NTRK3: variants seen among roughly 807,000 people sequenced by gnomAD.
The protein encoded by NTRK3 is neurotrophic receptor tyrosine kinase 3, also known as NT-3 growth factor receptor.
Under a neutral mutation model 91.7 loss-of-function variants are expected in NTRK3, and 24 were observed. The ratio of observed to expected loss-of-function variants is 0.26; its 90% CI spans 0.19 to 0.37. The LOEUF is 0.37. Ranked by LOEUF, NTRK3 falls within the 10% of genes least tolerant of loss-of-function variation. NTRK3 has a pLI of 1.00. For synonymous variants in NTRK3, 483 were observed against 404.0 expected, an observed-to-expected ratio of 1.20 and a Z score of -2.34; for missense variants, 880 against 1,068.9, an observed-to-expected ratio of 0.82 and a Z score of 2.46.
chr15:88,040,344 C>T (rs1247524429), intron 13 of NTRK3, among the ~76,000 whole-genome samples: 1 of 152,204 alleles, frequency 6.6e-6, no homozygotes, highest in Admixed American at 6.5e-5. Context: ...GACAACAAGT[C>T]ACCATGAGGA....
intron 16 of NTRK3, among the ~76,000 whole-genome samples, chr15:87,930,807 T>C (rs2068728026): frequency 1.3e-5 from 2 of 152,244 alleles, no homozygotes; most frequent in East Asian, 1.9e-4. Flanking sequence ...ATCTGGTCAG[T>C]AGTGGAGGCT....
intron 3 of NTRK3, among the ~76,000 whole-genome samples, chr15:88,249,351 T>A (rs2053140868): frequency 6.6e-6 from 1 of 152,224 alleles, no homozygotes; most frequent in Non-Finnish European, 1.5e-5. Context: ...AGTTGCTGCC[T>A]CTGGGGACCC....
chr15:88,000,765 T>C (rs539766033), intron 14 of NTRK3, among the ~76,000 whole-genome samples: 122 of 152,334 alleles, frequency 8.0e-4, no homozygotes, highest in African/African-American at 2.9e-3. Context: ...TTGGTGAACA[T>C]TTACACTGTT....
chr15:88,105,750 G>A (rs150347312), intron 13 of NTRK3, among the ~76,000 whole-genome samples: 1 of 152,192 alleles, frequency 6.6e-6, no homozygotes, highest in Non-Finnish European at 1.5e-5. Flanking sequence ...CCACCTCTGA[G>A]ATCCCTAAAA....
At chr15:88,212,192 C>T (rs942173592) in intron 3 of NTRK3, among the ~76,000 whole-genome samples, 3 of 152,090 alleles carry the variant, frequency 2.0e-5, no homozygotes, top group Non-Finnish European at 2.9e-5. Flanking sequence ...CACGGTGAAA[C>T]CCCGTCTCTA....
intron 3 of NTRK3, among the ~76,000 whole-genome samples, chr15:88,229,085 A>T (rs889023191): frequency 2.0e-5 from 3 of 152,220 alleles, no homozygotes; most frequent in African/African-American, 7.2e-5. Flanking sequence ...TCCACCCTTG[A>T]CATAGCTGAG....
intron 17 of NTRK3, among the ~76,000 whole-genome samples, chr15:87,914,204 C>T (rs1036063546): frequency 1.3e-5 from 2 of 152,212 alleles, no homozygotes; most frequent in Admixed American, 6.5e-5. Context: ...TGCTTTGATG[C>T]TATGGCCTTT....
chr15:88,067,141 C>T (rs1441576356), intron 13 of NTRK3, among the ~76,000 whole-genome samples: 1 of 152,192 alleles, frequency 6.6e-6, no homozygotes, highest in African/African-American at 2.4e-5. Flanking sequence ...TTCAGACCTT[C>T]CCTTGGATCA....
chr15:88,045,202 C>G (rs1473153340), intron 13 of NTRK3, among the ~76,000 whole-genome samples: 2 of 152,174 alleles, frequency 1.3e-5, no homozygotes, highest in Non-Finnish European at 2.9e-5. Flanking sequence ...ACAGAGCAGT[C>G]CTATGGCATT....
intron 3 of NTRK3, among the ~76,000 whole-genome samples, chr15:88,205,219 G>A (rs193283044): frequency 3.3e-5 from 5 of 152,292 alleles, no homozygotes; most frequent in Admixed American, 1.3e-4. Flanking sequence ...CATTTCAGCT[G>A]GAGCCTTGAT....
chr15:88,198,675 C>T (rs79056731), intron 3 of NTRK3, among the ~76,000 whole-genome samples: 1,821 of 152,202 alleles, frequency 0.012, 47 homozygotes, highest in African/African-American at 0.041. Context: ...TCACCCTCCT[C>T]GTGCCCCATG....
intron 13 of NTRK3, among the ~76,000 whole-genome samples, chr15:88,041,779 G>C (rs139247394): frequency 5.6e-5 from 8 of 142,254 alleles, no homozygotes; most frequent in Non-Finnish European, 1.2e-4. Context: ...CAGACACTTC[G>C]CGTGCATCAC....
chr15:88,138,276 G>C (rs905020217), intron 6 of NTRK3, among the ~76,000 whole-genome samples: 7 of 151,814 alleles, frequency 4.6e-5, no homozygotes, highest in African/African-American at 7.3e-5. Flanking sequence ...CGGGCGTGGT[G>C]GTGGGCACCT....
intron 13 of NTRK3, among the ~76,000 whole-genome samples, chr15:88,097,317 A>G (rs970443293): frequency 7.9e-5 from 12 of 152,242 alleles, no homozygotes; most frequent in Admixed American, 1.3e-4. Context: ...TGCTGTTAGC[A>G]TGACAAATGT....
chr15:88,206,968 G>A (rs146231228), intron 3 of NTRK3, among the ~76,000 whole-genome samples: 3 of 152,172 alleles, frequency 2.0e-5, no homozygotes, highest in Non-Finnish European at 2.9e-5. Flanking sequence ...GGACCCCCAG[G>A]CCCAGGCTTG....
In NTRK3 at chr15:88,231,124, G is replaced by C. The variant is rs542525196; in HGVS notation, c.248+24782C>G. ...CTCATAACCACCATCAACTCAACGT[G>C]TTCCAAACAGATGTCACAGACCTCT... On this transcript the variant is annotated intron_variant, in intron 3 of 18. Transcript: ENST00000394480. Among the ~76,000 whole-genome samples the C allele has an allele frequency of 2.0e-5, 3 of 152,270 alleles. No homozygotes were observed. In the East Asian group the frequency reaches 5.8e-4, roughly 29 times the overall value.
intron 13 of NTRK3, among the ~76,000 whole-genome samples, chr15:88,065,827 A>T (rs371430749): frequency 6.6e-6 from 1 of 152,188 alleles, no homozygotes; most frequent in Non-Finnish European, 1.5e-5. Flanking sequence ...TAGTGTTAGT[A>T]CCTGTTGAGT....
chr15:87,952,873 C>T (rs190328636), intron 14 of NTRK3, among the ~76,000 whole-genome samples: 2 of 152,146 alleles, frequency 1.3e-5, no homozygotes, highest in Admixed American at 6.5e-5. Context: ...CCCCTCTAAG[C>T]CTCTCGCTCT....
At chr15:87,938,573 G>T (rs2142000175) in intron 15 of NTRK3, among the ~76,000 whole-genome samples, 1 of 152,260 alleles carries the variant, frequency 6.6e-6, no homozygotes, top group Non-Finnish European at 1.5e-5. Flanking sequence ...GATGGAAACA[G>T]AAACACATTT....
Sources: allele counts gnomAD v4.1 joint callset (sites outside exome capture counted in the v4.1 genomes callset), GRCh38; gene constraint gnomAD v4.1.1; transcripts MANE v1.5; gene names NCBI Gene and HGNC (gene_info 2026-07-23, HGNC 2026-07-21).